Variants in OR7A5 observed in about 807,000 individuals in gnomAD.
OR7A5 encodes the protein olfactory receptor family 7 subfamily A member 5.
For missense variants in OR7A5, 319 were observed against 377.9 expected (o/e 0.84, Z 1.29); for synonymous variants, 140 against 146.7 (o/e 0.95, Z 0.33).
At chr19:14,831,619 AT>A (rs2145084967) in intron 1 of OR7A5, among the ~76,000 whole-genome samples, 1 of 151,832 alleles carries the variant, frequency 6.6e-6, no homozygotes, top group East Asian at 1.9e-4. Context: ...TAATTTTTGT[AT>A]TTTTAGTAGA....
intron 1 of OR7A5, among the ~76,000 whole-genome samples, chr19:14,828,727 T>C (rs1412896946): frequency 8.6e-6 from 1 of 116,742 alleles, no homozygotes; most frequent in Non-Finnish European, 1.6e-5. Context: ...GCCACTGCAC[T>C]CCAGCCTGGT....
At chr19:14,828,412 G>T (rs1302933961) in intron 1 of OR7A5, 158 bp from the exon 2 acceptor site, 1 of 738,426 alleles carries the variant, frequency 1.4e-6, no homozygotes. Flanking sequence ...CTCTGATTAG[G>T]AACTCCTTCC....
At chr19:14,830,848 A>G (rs1410609116) in intron 1 of OR7A5, among the ~76,000 whole-genome samples, 1 of 152,150 alleles carries the variant, frequency 6.6e-6, no homozygotes, top group Non-Finnish European at 1.5e-5. Context: ...TCGTGTGCCA[A>G]TGACTCACAA....
rs2044778763 is a variant in OR7A5, at chr19:14,827,384, G to T, written c.858C>A (p.Asn286Lys). 1 of 1,613,448 alleles carries T rather than the reference G, an allele frequency of 6.2e-7. No individual in the cohort carries two copies. Among genetic ancestry groups the T allele is most frequent in the Non-Finnish European group, 8.5e-7 (1 of 1,179,854 alleles). ...TATTCCTCAGACTATAGATAAAGGG[G>T]TTCAGCATGGGGGTGACCACAGTGT... ...VMYTVVTPML[N>K]PFIYSLRNKD... Residue 286 changes from asparagine (N) to lysine (K), a missense_variant, in exon 2 of 2, where the codon AAC becomes AAA. By Grantham distance (94) the Asn-to-Lys change is moderately conservative. Transcript: ENST00000322301.
chr19:14,832,371 TTCCCTCCTTCCCTCCC>T (rs1038743818), intron 1 of OR7A5, among the ~76,000 whole-genome samples: 40 of 152,004 alleles, frequency 2.6e-4, no homozygotes, highest in African/African-American at 9.4e-4. Context: ...ATGTATTTTT[TTCCCTCCTTCCCTCCC>T]TCCCTCCCTT....
chr19:14,827,842 C>A lies in OR7A5; in HGVS notation c.400G>T (p.Val134Phe), dbSNP rs1296504649. ...VAICHPLHYM[V>F]IMNPHLCGLL... ...CCACAGAGGTGAGGGTTCATAATGACCATGTAGTGCAGGGGGTGACAGATG... is the reference window on the plus strand; with the variant it reads ...CCACAGAGGTGAGGGTTCATAATGAACATGTAGTGCAGGGGGTGACAGATG... Residue 134 changes from valine (V) to phenylalanine (F), a missense_variant, in exon 2 of 2, where the codon GTC becomes TTC. Coordinates refer to ENST00000322301, the MANE Select transcript of OR7A5 (RefSeq NM_017506.2). 1.2e-6 allele frequency: 2 copies of A among 1,614,144 alleles called. No homozygotes were observed. Among genetic ancestry groups the A allele is most frequent in the South Asian group, 1.1e-5 (1 of 91,082 alleles).
chr19:14,832,529 C>T lies in OR7A5; in HGVS notation c.-14+2545G>A, dbSNP rs910241126. On this transcript the variant is annotated intron_variant, in intron 1 of 1. Transcript: ENST00000322301. The stretch of plus-strand genomic sequence containing the variant: ...GCAACCTCCGCCTCCTGGGTTCAAG[C>T]GATTCTCCTGCCTCAACCTCCCAAG... Among the ~76,000 whole-genome samples, 9 of 151,504 alleles carry T rather than the reference C, an allele frequency of 5.9e-5. No homozygotes were observed. The East Asian group carries it at 9.7e-4, about 16-fold the overall frequency.
chr19:14,827,568 A>C lies in OR7A5; in HGVS notation c.674T>G (p.Ile225Arg). The C allele has an allele frequency of 6.2e-7, 1 of 1,614,164 alleles. No homozygotes were observed. Among genetic ancestry groups the C allele is most frequent in the Non-Finnish European group, 8.5e-7 (1 of 1,180,030 alleles). ...LYSYSKIISS[I>R]HAISSAQGKY... Reference sequence around the variant, plus strand: ...CCCCTGAGCTGATGAGATTGCATGTATGGAAGAAATTATCTTAGAGTAAGA... The same window carrying C: ...CCCCTGAGCTGATGAGATTGCATGTCTGGAAGAAATTATCTTAGAGTAAGA... The change falls in exon 2 of 2, where the codon ATA becomes AGA. Residue 225 changes from isoleucine (I) to arginine (R), a missense_variant. Ile to Arg is a moderately conservative substitution (Grantham distance 97). Coordinates refer to ENST00000322301, the MANE Select transcript of OR7A5 (RefSeq NM_017506.2).
chr19:14,829,392 G>A lies in OR7A5; in HGVS notation c.-13-1138C>T, dbSNP rs574679324. Among the ~76,000 whole-genome samples the A allele has an allele frequency of 8.0e-4, 122 of 152,236 alleles. 2 individuals are homozygous for A. The highest frequency in any genetic ancestry group is 2.6e-3 in the African/African-American group (106 of 41,534). On this transcript the variant is annotated intron_variant, in intron 1 of 1. Transcript: ENST00000322301. ...CTAATTTTGTATTTTTAGTAGAGAC[G>A]GGGTTTCTCCATGTTGGTCAGGCTG...
At chr19:14,831,268 A>G (rs986332357) in intron 1 of OR7A5, among the ~76,000 whole-genome samples, 2 of 152,200 alleles carry the variant, frequency 1.3e-5, no homozygotes, top group African/African-American at 4.8e-5. Context: ...AAAAAGAAAC[A>G]TACAAACAAT....
At chr19:14,828,383 TA>T in intron 1 of OR7A5, 129 bp from the exon 2 acceptor site, 1 of 938,902 alleles carries the variant, frequency 1.1e-6, no homozygotes, top group Non-Finnish European at 1.6e-6. Flanking sequence ...TGGTTCTCTT[TA>T]AGGGATCTCC....
At chr19:14,834,418 G>T (rs2044864795) in intron 1 of OR7A5, among the ~76,000 whole-genome samples, 1 of 152,152 alleles carries the variant, frequency 6.6e-6, no homozygotes. Flanking sequence ...CCTATACACT[G>T]TGAGTTGTTT....
In OR7A5 at chr19:14,826,999, A is replaced by G. The variant is rs1383448022; in HGVS notation, c.*283T>C. The stretch of plus-strand genomic sequence containing the variant: ...TAGTCTATGCCACAGGAGACATACA[A>G]CTCTTCCCTGTATGAGACAAATGGA... On this transcript the variant is annotated 3_prime_UTR_variant, in exon 2 of 2. Transcript: ENST00000322301. The G allele has an allele frequency of 3.8e-6, 1 of 260,976 alleles. No homozygotes were observed. Among genetic ancestry groups the G allele is most frequent in the Non-Finnish European group, 7.2e-6 (1 of 139,098 alleles). 16.2% of individuals were successfully genotyped at this position (260,976 alleles called of 1,614,324 possible).
Position 14,827,211 on chromosome 19 carries a change from G to A in OR7A5, c.*71C>T, listed in dbSNP as rs2044776193. 2.1e-6 allele frequency: 3 copies of A among 1,400,866 alleles called. No homozygotes were observed. Among genetic ancestry groups the A allele is most frequent in the African/African-American group, 2.9e-5 (2 of 69,554 alleles). 86.8% of individuals were successfully genotyped at this position (1,400,866 alleles called of 1,614,324 possible). On this transcript the variant is annotated 3_prime_UTR_variant, in exon 2 of 2. Coordinates refer to ENST00000322301, the MANE Select transcript of OR7A5 (RefSeq NM_017506.2). ...AGAAATATAATAAGTATTAATAGAA[G>A]GAGCAAGTTCTATTTCCACTATCTG...
rs746661340 is a variant in OR7A5, at chr19:14,828,259, C to CAG, written c.-13-7_-13-6dup. 62 of 1,584,398 alleles carry CAG rather than the reference C, an allele frequency of 3.9e-5. No homozygotes were observed. Among genetic ancestry groups the CAG allele is most frequent in the East Asian group, 1.4e-4 (6 of 44,344 alleles). On this transcript the variant is annotated splice_polypyrimidine_tract_variant and splice_region_variant and intron_variant, in intron 1 of 1. Transcript: ENST00000322301. ...GGTTCCATTTGATTGAAGTGACTAT[C>CAG]AGAGAGAGAGAGAGAAAGAGGGAAA...
At chr19:14,831,784 A>C (rs1453928782) in intron 1 of OR7A5, among the ~76,000 whole-genome samples, 2 of 151,522 alleles carry the variant, frequency 1.3e-5, no homozygotes, top group Non-Finnish European at 2.9e-5. Flanking sequence ...TTGAATTTTG[A>C]TCACTTTTTT....
In OR7A5 at chr19:14,835,104, T is replaced by G. The variant is rs2044872060; in HGVS notation, c.-44A>C. On this transcript the variant is annotated 5_prime_UTR_variant, in exon 1 of 2. Transcript: ENST00000322301. ...GGGGATCTCTCCGAGGAAGAGTTCC[T>G]TGTGTAAGTGCAAATTCCTCACTGG... is the stretch of plus-strand genomic sequence containing the variant. The G allele has an allele frequency of 6.6e-6, 1 of 152,190 alleles. No individual in the cohort carries two copies. The highest frequency in any genetic ancestry group is 1.5e-5 in the Non-Finnish European group (1 of 68,036). The allele number at this position is 152,190 out of a possible 1,614,324, so 9.4% of individuals were successfully genotyped here.
intron 1 of OR7A5, among the ~76,000 whole-genome samples, chr19:14,834,358 T>A (rs1859949): frequency 5.3e-5 from 8 of 151,980 alleles, no homozygotes; most frequent in East Asian, 1.9e-4. Context: ...TTTCTCAATC[T>A]CAGCACTATT....
chr19:14,834,255 G>C (rs1044796482), intron 1 of OR7A5, among the ~76,000 whole-genome samples: 2 of 152,130 alleles, frequency 1.3e-5, no homozygotes, highest in Admixed American at 6.5e-5. Flanking sequence ...ACAGAGGCTT[G>C]CACGACAGAG....
Sources: allele counts gnomAD v4.1 joint callset (sites outside exome capture counted in the v4.1 genomes callset), GRCh38; gene constraint gnomAD v4.1.1; transcripts MANE v1.5; gene names NCBI Gene and HGNC (gene_info 2026-07-23, HGNC 2026-07-21).